The following AREL1 variants were observed in gnomAD, a reference collection of about 807,000 sequenced individuals.
AREL1 encodes the protein apoptosis resistant E3 ubiquitin protein ligase 1.
AREL1 carries 62 observed loss-of-function variants against 99.0 expected under a neutral mutation model. That is an observed-to-expected ratio of 0.63 (90% CI 0.51 to 0.77). The LOEUF is 0.77. Among genes scored for constraint, AREL1 ranks in the 30% least tolerant of loss-of-function variants. AREL1 has a pLI of 0.00. For synonymous variants in AREL1, 380 were observed against 376.5 expected, an observed-to-expected ratio of 1.01 and a Z score of -0.11; for missense variants, 879 against 1,027.6, an observed-to-expected ratio of 0.86 and a Z score of 1.98.
chr14:74,687,503 A>G (rs1364605145), intron 2 of AREL1, among the ~76,000 whole-genome samples: 2 of 152,186 alleles, frequency 1.3e-5, no homozygotes, highest in Non-Finnish European at 2.9e-5. Context: ...CATGGCCATC[A>G]AAGCTCTAGC....
intron 13 of AREL1, among the ~76,000 whole-genome samples, chr14:74,670,490 A>C (rs1244395126): frequency 6.6e-6 from 1 of 152,180 alleles, no homozygotes; most frequent in Non-Finnish European, 1.5e-5. Flanking sequence ...TTTGAGAAAG[A>C]GGCTTAATTA....
In AREL1 at chr14:74,683,481, C is replaced by G; in HGVS notation, c.296G>C (p.Arg99Thr). The change falls in exon 5 of 20, where the codon AGA becomes ACA. Residue 99 changes from arginine (R) to threonine (T), a missense_variant. Transcript: ENST00000356357. ...PFPAHRPVGL[R>T]VHISHVELAV... ...TAGCTCGACATGAGAGATGTGAACTCTTAGTCCCACAGGCCGATGTGCAGG... is the reference window on the plus strand; with the variant it reads ...TAGCTCGACATGAGAGATGTGAACTGTTAGTCCCACAGGCCGATGTGCAGG... 1 of 1,614,070 alleles carries G rather than the reference C, an allele frequency of 6.2e-7. No homozygotes were observed. The highest frequency in any genetic ancestry group is 8.5e-7 in the Non-Finnish European group (1 of 1,180,014).
chr14:74,678,216 G>A (rs1354718287), intron 5 of AREL1: 1 of 455,080 alleles, frequency 2.2e-6, no homozygotes, highest in Admixed American at 2.4e-5. Flanking sequence ...CAGTAATCAG[G>A]CTGTGTGACT....
intron 1 of AREL1, chr14:74,712,062 A>AAAAAAG (rs2090314623): frequency 2.1e-5 from 1 of 48,296 alleles, no homozygotes; most frequent in Non-Finnish European, 4.2e-5. Context: ...AAAAAAAAAA[A>AAAAAAG]AAAAAGAAAA....
intron 15 of AREL1, 60 bp downstream of exon 15, chr14:74,669,589 A>G: frequency 6.4e-7 from 1 of 1,562,708 alleles, no homozygotes; most frequent in Admixed American, 1.9e-5. Flanking sequence ...TCTCTTAGAC[A>G]GTCCTGCTCT....
At chr14:74,680,076 T>C (rs1026536324) in intron 5 of AREL1, among the ~76,000 whole-genome samples, 1 of 151,598 alleles carries the variant, frequency 6.6e-6, no homozygotes, top group African/African-American at 2.4e-5. Flanking sequence ...CTCAGGAGGC[T>C]GACACAGGAG....
rs1309114329 is a variant in AREL1 at position 74,669,958 on chromosome 14, T to C, written c.1777A>G (p.Met593Val). ...ACCCAAGATGTTACCTTGTAATGCA[T>C]ACGCAGTCCTATGATTTGGGCCAGG... is the stretch of plus-strand genomic sequence containing the variant. ...SFLAQIIGLRMHYKYFETDDP... is the reference protein window; with the variant it reads ...SFLAQIIGLRVHYKYFETDDP... Residue 593 changes from methionine to valine, a missense_variant, in exon 14 of 20, where the codon ATG becomes GTG. By Grantham distance (21) the Met-to-Val change is conservative. Coordinates refer to ENST00000356357, the MANE Select transcript of AREL1 (RefSeq NM_001039479.2). The C allele has an allele frequency of 1.6e-5, 25 of 1,610,374 alleles. No individual in the cohort carries two copies. The highest frequency in any genetic ancestry group is 2.7e-5 in the African/African-American group (2 of 74,788).
At chr14:74,688,619 CAG>C (rs1012214570) in intron 2 of AREL1, among the ~76,000 whole-genome samples, 2 of 152,136 alleles carry the variant, frequency 1.3e-5, no homozygotes, top group African/African-American at 2.4e-5. Flanking sequence ...TCCTCATGAC[CAG>C]AGAGTTAGTT....
chr14:74,663,543 AGGG>A lies in AREL1; in HGVS notation c.*174_*176del. 1 of 662,918 alleles carries A rather than the reference AGGG, an allele frequency of 1.5e-6. No individual in the cohort carries two copies. The highest frequency in any genetic ancestry group is 2.3e-5 in the Admixed American group (1 of 43,916). The allele number at this position is 662,918 out of a possible 1,614,324, so 41.1% of individuals were successfully genotyped here. ...AAAGTGGCCTGTGGTAGATATGGGCAGGGAGCAGGTGAGGTAAAGACAAGGCTT... is the reference window on the plus strand; with the variant it reads ...AAAGTGGCCTGTGGTAGATATGGGCAAGCAGGTGAGGTAAAGACAAGGCTT... On this transcript the variant is annotated 3_prime_UTR_variant, in exon 20 of 20. Coordinates refer to ENST00000356357, the MANE Select transcript of AREL1 (RefSeq NM_001039479.2).
Position 74,676,132 on chromosome 14 carries a change from T to G in AREL1, c.832+9A>C. On this transcript the variant is annotated intron_variant, in intron 7 of 19. Coordinates refer to ENST00000356357, the MANE Select transcript of AREL1 (RefSeq NM_001039479.2). ...AACAGCACTAAATCATACTTTTCTTTTAACTTACCACTTAGGACAATAATG... is the reference window on the plus strand; with the variant it reads ...AACAGCACTAAATCATACTTTTCTTGTAACTTACCACTTAGGACAATAATG... 6.2e-7 allele frequency: 1 copy of G among 1,611,344 alleles called. No individual in the cohort carries two copies. The highest frequency in any genetic ancestry group is 8.5e-7 in the Non-Finnish European group (1 of 1,178,840).
intron 2 of AREL1, among the ~76,000 whole-genome samples, chr14:74,686,185 C>T (rs1337243239): frequency 6.6e-6 from 1 of 151,968 alleles, no homozygotes; most frequent in African/African-American, 2.4e-5. Flanking sequence ...CAATAATAAG[C>T]AGTGGGTCTG....
In AREL1 at chr14:74,662,591, TG is replaced by T. The variant is rs2089108307; in HGVS notation, c.*1128del. 5.0e-6 allele frequency: 2 copies of T among 398,594 alleles called. No homozygotes were observed. Among genetic ancestry groups the T allele is most frequent in the East Asian group, 7.1e-5 (2 of 28,076 alleles). The allele number at this position is 398,594 out of a possible 1,614,324, so 24.7% of individuals were successfully genotyped here. A position where few individuals can be genotyped will look rare whatever the true frequency, so the allele number is the denominator to read the frequency against. On this transcript the variant is annotated 3_prime_UTR_variant, in exon 20 of 20. Transcript: ENST00000356357. ...CTTAGTTCTCCTTCCTGATAACTGA[TG>T]GAGCAAAGGGGAGTACAGGGGTTGG...
chr14:74,662,667 T>G lies in AREL1; in HGVS notation c.*1053A>C, dbSNP rs898859726. The G allele has an allele frequency of 2.0e-5, 8 of 398,448 alleles. No individual in the cohort carries two copies. In the South Asian group the frequency reaches 1.0e-3, roughly 51 times the overall value. The allele number at this position is 398,448 out of a possible 1,614,324, so 24.7% of individuals were successfully genotyped here. The stretch of plus-strand genomic sequence containing the variant: ...ACCTCCATGTTCATCCCTAGTGTCC[T>G]GACGCCAAGGACCTGTGATAAGCAC... On this transcript the variant is annotated 3_prime_UTR_variant, in exon 20 of 20. Transcript: ENST00000356357.
At chr14:74,686,945 A>C (rs2089761264) in intron 2 of AREL1, among the ~76,000 whole-genome samples, 1 of 152,184 alleles carries the variant, frequency 6.6e-6, no homozygotes, top group Admixed American at 6.5e-5. Flanking sequence ...TTCCCAAACA[A>C]GTATCTCATC....
intron 1 of AREL1, 69 bp downstream of exon 1, chr14:74,712,864 C>CCT (rs112381920): frequency 1.0e-5 from 5 of 496,876 alleles, no homozygotes; most frequent in Non-Finnish European, 1.9e-5. Context: ...CCTTTTCCTC[C>CCT]CTCTCTCTCT....
In AREL1 at chr14:74,664,882, T is replaced by C; in HGVS notation, c.2147A>G (p.Lys716Arg). Reference protein sequence around the residue: ...GTGDISVSDFKAHAVVVGGSW... With the variant: ...GTGDISVSDFRAHAVVVGGSW... Reference sequence around the variant, plus strand: ...GCCACCAACAACTACTGCATGGGCTTTGAAGTCAGACACACTGATGTCTCC... The same window carrying C: ...GCCACCAACAACTACTGCATGGGCTCTGAAGTCAGACACACTGATGTCTCC... Residue 716 changes from lysine (K) to arginine (R), a missense_variant, in exon 18 of 20, where the codon AAA becomes AGA. Lys to Arg is a conservative substitution (Grantham distance 26). Transcript: ENST00000356357. The C allele has an allele frequency of 6.2e-7, 1 of 1,613,916 alleles. No individual in the cohort carries two copies. Among genetic ancestry groups the C allele is most frequent in the Non-Finnish European group, 8.5e-7 (1 of 1,179,858 alleles).
chr14:74,669,819 C>G (rs2089290817), intron 14 of AREL1, 45 bp from the exon 15 acceptor site: 1 of 1,609,556 alleles, frequency 6.2e-7, no homozygotes. Context: ...ATACTCTTGC[C>G]CTGAAAGGTG....
rs1332989971 is a variant in AREL1 at position 74,675,732 on chromosome 14, T to C, written c.1047A>G (p.Lys349=). ...ACACATAGCAGTACACCTTCTTCGG[T>C]TTCTTCACCTTCTCAGGGGTGTGGC... ...SECHTPEKVK[K]PKKVYCYVSP... Residue 349 remains lysine (K), a synonymous_variant, in exon 8 of 20, where the codon AAA becomes AAG. Transcript: ENST00000356357. The C allele has an allele frequency of 6.2e-7, 1 of 1,614,070 alleles. No individual in the cohort carries two copies. The highest frequency in any genetic ancestry group is 1.7e-5 in the Admixed American group (1 of 60,000).
At chr14:74,709,991 T>G (rs1044818751) in intron 1 of AREL1, among the ~76,000 whole-genome samples, 9 of 152,226 alleles carry the variant, frequency 5.9e-5, no homozygotes, top group Non-Finnish European at 1.2e-4. Flanking sequence ...TCTTCAAGAC[T>G]GCAGAAAAAT....
Sources: allele counts gnomAD v4.1 joint callset (sites outside exome capture counted in the v4.1 genomes callset), GRCh38; gene constraint gnomAD v4.1.1; transcripts MANE v1.5; gene names NCBI Gene and HGNC (gene_info 2026-07-23, HGNC 2026-07-21).